The following IFT140 variants were observed in gnomAD, a reference collection of about 807,000 sequenced individuals.
The protein encoded by IFT140 is intraflagellar transport 140, also known as intraflagellar transport protein 140 homolog.
IFT140 carries 133 observed loss-of-function variants against 164.6 expected under a neutral mutation model. The observed-to-expected ratio is 0.81, with a 90% CI of 0.70 to 0.93. The LOEUF (loss-of-function observed/expected upper bound fraction) is 0.93. Ranked by LOEUF, IFT140 falls within the 40% of genes least tolerant of loss-of-function variation. IFT140 has a pLI of 0.00. For synonymous variants in IFT140, 860 were observed against 817.3 expected, an observed-to-expected ratio of 1.05 and a Z score of -0.89; for missense variants, 2,045 against 1,972.3, an observed-to-expected ratio of 1.04 and a Z score of -0.70.
rs1188805365 is a variant in IFT140 at position 1,525,943 on chromosome 16, G to T, written c.2712C>A (p.Tyr904Ter). 2 of 1,577,752 alleles carry T rather than the reference G, an allele frequency of 1.3e-6. No homozygotes were observed. The highest frequency in any genetic ancestry group is 3.6e-5 in the Admixed American group (2 of 54,980). Residue 904 changes from tyrosine (Y) to a stop codon, truncating the protein, a stop_gained, in exon 21 of 31, where the codon TAC (tyrosine) becomes TAA (stop). Transcript: ENST00000426508. LOFTEE classifies it high-confidence loss of function. ...CCTCCAGGTGCCCGGCATAGCGGTG[G>T]TAGGTGCTGCGCAGGTGCACGCGAT... ...HHDRVHLRSTYHRYAGHLEAS... is the reference protein window; with the variant it reads ...HHDRVHLRST
chr16:1,523,728 TGCCCGAG>T, intron 25 of IFT140, 28 bp from the exon 26 acceptor site: 1 of 1,608,256 alleles, frequency 6.2e-7, no homozygotes, highest in Non-Finnish European at 8.5e-7. Context: ...TCTGAGCAGC[TGCCCGAG>T]GCCTGGGGGC....
rs2031673093 is a variant in IFT140 at position 1,541,851 on chromosome 16, G to A, written c.2400-15055C>T. On this transcript the variant is annotated intron_variant, in intron 19 of 30. Coordinates refer to ENST00000426508, the MANE Select transcript of IFT140 (RefSeq NM_014714.4). ...CGAGGCAAACAGAGACCACGAAAGT[G>A]GCGTGACGGCTGGCGTGGCCTCTGG... The A allele has an allele frequency of 9.5e-6, 14 of 1,480,132 alleles. No homozygotes were observed. In the South Asian group the frequency reaches 1.9e-4, roughly 20 times the overall value. The allele number at this position is 1,480,132 out of a possible 1,614,324, so 91.7% of individuals were successfully genotyped here.
At chr16:1,552,772 T>C (rs748156293) in intron 19 of IFT140, 19 of 160,168 alleles carry the variant, frequency 1.2e-4, no homozygotes, top group Non-Finnish European at 1.7e-4. Flanking sequence ...TTCAGTCTCC[T>C]GAGTAACTGG....
chr16:1,603,299 G>A (rs2035887101), intron 3 of IFT140, among the ~76,000 whole-genome samples: 1 of 152,112 alleles, frequency 6.6e-6, no homozygotes, highest in Non-Finnish European at 1.5e-5. Flanking sequence ...GGATCTCAAA[G>A]TGTTGTCCAG....
At position 1,564,588 on chromosome 16, in the gene IFT140, G is replaced by GCCC. The variant is rs1212101456; in HGVS notation, c.1902-429_1902-427dup. On this transcript the variant is annotated intron_variant, in intron 16 of 30. Coordinates refer to ENST00000426508, the MANE Select transcript of IFT140 (RefSeq NM_014714.4). The surrounding 1 kb of genome is among the most constrained non-coding windows in gnomAD (Gnocchi z 5.5). Reference sequence around the variant, plus strand: ...TCCCCACCGGTCCCTGTGCCATGCTGCCCCTTGGACCCAGGTCCCTCCCAT... The same window carrying GCCC: ...TCCCCACCGGTCCCTGTGCCATGCTGCCCCCCCTTGGACCCAGGTCCCTCCCAT... Among the ~76,000 whole-genome samples, 1 of 152,168 alleles carries GCCC rather than the reference G, an allele frequency of 6.6e-6. No homozygotes were observed. The highest frequency in any genetic ancestry group is 1.5e-5 in the Non-Finnish European group (1 of 68,020).
Position 1,553,872 on chromosome 16 carries a change from C to G in IFT140, c.2399+4063G>C. 8.0e-7 allele frequency: 1 copy of G among 1,251,712 alleles called. No individual in the cohort carries two copies. The allele number at this position is 1,251,712 out of a possible 1,614,324, so 77.5% of individuals were successfully genotyped here. ...GTCCTGTTATCCTAGTTGGTAGACT[C>G]TAGTCACGAAACCCTGATTTTCCTG... On this transcript the variant is annotated intron_variant, in intron 19 of 30. Transcript: ENST00000426508. This position sits in a 1 kb window ranked among gnomAD's most constrained non-coding sequence, Gnocchi z 4.4.
intron 19 of IFT140, chr16:1,555,048 T>G (rs1163605235): frequency 1.3e-5 from 20 of 1,595,074 alleles, no homozygotes; most frequent in Non-Finnish European, 1.7e-5. Flanking sequence ...CAGCGCTCCA[T>G]CAACGCACAC....
rs755315693 is a variant in IFT140 at position 1,592,486 on chromosome 16, G to T, written c.472C>A (p.Arg158=). The T allele has an allele frequency of 6.2e-7, 1 of 1,614,202 alleles. No homozygotes were observed. The highest frequency in any genetic ancestry group is 8.5e-7 in the Non-Finnish European group (1 of 1,180,022). The change falls in exon 5 of 31, where the codon CGG becomes AGG. Residue 158 remains arginine (R), a synonymous_variant. Coordinates refer to ENST00000426508, the MANE Select transcript of IFT140 (RefSeq NM_014714.4). ...ACTTACTCGCCAGGAGGGGGGAGCC[G>T]GAAGATGCAGTGCGTGAGGTGTTTC... ...YGKHLTHCIF[R]LPPPGEDLVQ... is the part of the protein sequence containing the mutation.
intron 2 of IFT140, chr16:1,610,329 T>C (rs2036272478): frequency 6.5e-6 from 1 of 154,868 alleles, no homozygotes; most frequent in African/African-American, 2.4e-5. Flanking sequence ...TTGTTTTGCA[T>C]CTCTCGTTTG....
chr16:1,604,965 T>C (rs2035985939), intron 3 of IFT140, among the ~76,000 whole-genome samples: 1 of 151,728 alleles, frequency 6.6e-6, no homozygotes, highest in African/African-American at 2.4e-5. Context: ...TTCAGTTCAG[T>C]TTTGTACAGT....
intron 16 of IFT140, among the ~76,000 whole-genome samples, chr16:1,565,188 G>A (rs17135407): frequency 0.074 from 11,334 of 152,240 alleles, 493 homozygotes; most frequent in African/African-American, 0.11. Flanking sequence ...TATGAGAAAC[G>A]CTGCGGACCT....
Position 1,566,199 on chromosome 16 carries a change from C to A in IFT140, c.1863G>T (p.Arg621=). Residue 621 remains arginine (R), a synonymous_variant, in exon 16 of 31, where the codon CGG becomes CGT. Transcript: ENST00000426508. ...GCTCATTAAAGGACAGCGTCTCTCT[C>A]CGATCAATTTGTCCAGTCTTGAAGT... ...VFDFKTGQID[R]RETLSFNEQE... is the part of the protein sequence containing the mutation. 1 of 1,613,882 alleles carries A rather than the reference C, an allele frequency of 6.2e-7. No homozygotes were observed. Among genetic ancestry groups the A allele is most frequent in the South Asian group, 1.1e-5 (1 of 91,054 alleles).
At chr16:1,535,179 C>G (rs2030940019) in intron 19 of IFT140, among the ~76,000 whole-genome samples, 1 of 152,052 alleles carries the variant, frequency 6.6e-6, no homozygotes, top group South Asian at 2.1e-4. Context: ...CAGCAGGATC[C>G]CCAGGGATGA....
In IFT140 at chr16:1,601,636, C is replaced by T. The variant is rs143203666; in HGVS notation, c.369+734G>A. Among the ~76,000 whole-genome samples the T allele has an allele frequency of 4.2e-3, 644 of 152,310 alleles. 7 individuals are homozygous for T. Among genetic ancestry groups the T allele is most frequent in the Non-Finnish European group, 3.6e-3 (243 of 68,028 alleles). On this transcript the variant is annotated intron_variant, in intron 4 of 30. Coordinates refer to ENST00000426508, the MANE Select transcript of IFT140 (RefSeq NM_014714.4). ...GATGCGTGTCCTTGCACTGTTCTTT[C>T]AACTCCTCTCATAATGTAGAAATTT...
At chr16:1,512,293 C>T (rs542868067) in intron 30 of IFT140, among the ~76,000 whole-genome samples, 1 of 151,892 alleles carries the variant, frequency 6.6e-6, no homozygotes, top group African/African-American at 2.4e-5. Context: ...TGCCGGTCTC[C>T]AGCATCAGGA....
chr16:1,526,187 C>T, intron 20 of IFT140, 110 bp from the exon 21 acceptor site: 1 of 1,049,364 alleles, frequency 9.5e-7, no homozygotes. Context: ...CCGCCAAGCA[C>T]ACTGACACAC....
intron 6 of IFT140, among the ~76,000 whole-genome samples, chr16:1,591,779 A>G (rs1295165250): frequency 1.3e-5 from 2 of 152,140 alleles, no homozygotes; most frequent in Admixed American, 6.5e-5. Context: ...CTCACACCTC[A>G]TTCCCACACC....
At chr16:1,511,815 G>GTCAAACCACC (rs2040167441) in intron 30 of IFT140, among the ~76,000 whole-genome samples, 1 of 151,294 alleles carries the variant, frequency 6.6e-6, no homozygotes, top group Admixed American at 6.6e-5. Flanking sequence ...GCCAGGCGCT[G>GTCAAACCACC]TGCTGGGGAC....
At chr16:1,554,890 C>T (rs2032962974) in intron 19 of IFT140, 3 of 1,614,218 alleles carry the variant, frequency 1.9e-6, no homozygotes, top group Non-Finnish European at 2.5e-6. Context: ...GCCACGCTGG[C>T]GGCAGCCATG....
Sources: gnomAD v4.1 joint callset for allele counts (sites outside exome capture counted in the v4.1 genomes callset) on GRCh38, gnomAD v4.1.1 for gene constraint, Gnocchi (gnomAD v3.1) non-coding constraint, MANE v1.5 for transcripts, NCBI Gene and HGNC (gene_info 2026-07-23, HGNC 2026-07-21) for gene names.